Variants in STON2 observed in about 807,000 individuals in gnomAD.
STON2 encodes the protein stonin-2.
In STON2, 29 loss-of-function variants were observed where a neutral mutation model predicts 65.7. The ratio of observed to expected loss-of-function variants is 0.44; its 90% CI spans 0.33 to 0.60. STON2 has a LOEUF of 0.60. Ranked by LOEUF, STON2 falls within the 20% of genes least tolerant of loss-of-function variation. The probability of loss-of-function intolerance (pLI) is 0.03; values close to 1 mark genes in which losing one functional copy is unlikely to be tolerated. For missense variants in STON2, 1,054 were observed against 1,118.1 expected (o/e 0.94, Z 0.82); for synonymous variants, 404 against 414.2 (o/e 0.98, Z 0.30).
intron 5 of STON2, among the ~76,000 whole-genome samples, chr14:81,296,542 C>T (rs532440472): frequency 1.5e-4 from 23 of 152,176 alleles, no homozygotes; most frequent in Non-Finnish European, 2.8e-4. Context: ...CCCTTTGCAG[C>T]TAGACACACA....
intron 4 of STON2, among the ~76,000 whole-genome samples, chr14:81,366,274 T>C (rs2140353189): frequency 6.6e-6 from 1 of 152,310 alleles, no homozygotes; most frequent in East Asian, 1.9e-4. Flanking sequence ...TGGATTGCCC[T>C]GCAGGGCTGC....
At position 81,264,609 on chromosome 14, in the gene STON2, C is replaced by G; in HGVS notation, c.*3805G>C. 1 of 985,054 alleles carries G rather than the reference C, an allele frequency of 1.0e-6. No individual in the cohort carries two copies. Among genetic ancestry groups the G allele is most frequent in the Non-Finnish European group, 1.2e-6 (1 of 829,634 alleles). 61.0% of individuals were successfully genotyped at this position (985,054 alleles called of 1,614,324 possible). ...ACATAAGTTTCTAGGGAAATAAACT[C>G]TTACTCCCAGCCACTGGATTTGAAT... On this transcript the variant is annotated 3_prime_UTR_variant, in exon 8 of 8. Transcript: ENST00000614646.
chr14:81,316,564 CAAG>C (rs1896628510), intron 5 of STON2, among the ~76,000 whole-genome samples: 1 of 152,150 alleles, frequency 6.6e-6, no homozygotes, highest in Non-Finnish European at 1.5e-5. Context: ...GCTGAAAAAA[CAAG>C]AAGATAGGTG....
intron 2 of STON2, among the ~76,000 whole-genome samples, chr14:81,409,320 G>A (rs1445992866): frequency 6.6e-6 from 1 of 151,674 alleles, no homozygotes; most frequent in Non-Finnish European, 1.5e-5. Context: ...CAGGAGAATC[G>A]CTTGAACCCA....
At chr14:81,329,454 C>CAAAAAA (rs56370265) in intron 4 of STON2, among the ~76,000 whole-genome samples, 15 of 118,488 alleles carry the variant, frequency 1.3e-4, no homozygotes, top group Admixed American at 8.8e-4. Context: ...GACTCTGTCT[C>CAAAAAA]AAAAAAAAAA....
chr14:81,275,994 G>A (rs558627283), intron 6 of STON2, among the ~76,000 whole-genome samples: 15 of 152,258 alleles, frequency 9.9e-5, no homozygotes, highest in African/African-American at 2.2e-4. Context: ...ATCCACTTTC[G>A]TTAACAGATG....
chr14:81,303,433 A>G (rs1167396209), intron 5 of STON2, among the ~76,000 whole-genome samples: 4 of 152,204 alleles, frequency 2.6e-5, no homozygotes, highest in African/African-American at 9.7e-5. Context: ...GTGGTGTGGG[A>G]CAAGTGTCAA....
intron 2 of STON2, among the ~76,000 whole-genome samples, chr14:81,405,522 G>GT (rs60663114): frequency 0.18 from 19,771 of 107,126 alleles, 2,511 homozygotes; most frequent in East Asian, 0.38. Context: ...CTTTCCTAAG[G>GT]TTTTTTTTTT....
At chr14:81,308,600 G>A (rs1463979853) in intron 5 of STON2, among the ~76,000 whole-genome samples, 2 of 151,592 alleles carry the variant, frequency 1.3e-5, no homozygotes, top group Non-Finnish European at 2.9e-5. Context: ...ATCCCTCTTG[G>A]CGTCTAATAA....
At chr14:81,339,835 C>T (rs1056464888) in intron 4 of STON2, among the ~76,000 whole-genome samples, 2 of 152,182 alleles carry the variant, frequency 1.3e-5, no homozygotes, top group African/African-American at 4.8e-5. Context: ...TATTGGTACA[C>T]ATAACAATAT....
At position 81,306,153 on chromosome 14, in the gene STON2, A is replaced by ATCTCTCTCTCTC. The variant is rs141736505; in HGVS notation, c.742+17852_742+17863dup. Among the ~76,000 whole-genome samples, 79 of 130,014 alleles carry ATCTCTCTCTCTC rather than the reference A, an allele frequency of 6.1e-4. 1 individual carries two copies. The highest frequency in any genetic ancestry group is 2.1e-3 in the African/African-American group (72 of 33,744). The allele number at this position is 130,014 out of a possible 152,430, so 85.3% of individuals were successfully genotyped here. A position where few individuals can be genotyped will look rare whatever the true frequency, so the allele number is the denominator to read the frequency against. Reference sequence around the variant, plus strand: ...CAAAGAATCCTATTGATTCTTTTAAATCTCTCTCTCTCTCTATATATATAT... The same window carrying ATCTCTCTCTCTC: ...CAAAGAATCCTATTGATTCTTTTAAATCTCTCTCTCTCTCTCTCTCTCTCTCTATATATATAT... On this transcript the variant is annotated intron_variant, in intron 5 of 7. Coordinates refer to ENST00000614646, the MANE Select transcript of STON2 (RefSeq NM_001394390.1).
upstream of STON2, among the ~76,000 whole-genome samples, chr14:81,401,473 G>A (rs146976769): frequency 6.6e-6 from 1 of 152,216 alleles, no homozygotes; most frequent in East Asian, 1.9e-4. Context: ...ATTTGCCATG[G>A]AAGAGCCACA....
chr14:81,380,336 A>C (rs895174071), intron 3 of STON2, among the ~76,000 whole-genome samples: 1 of 152,224 alleles, frequency 6.6e-6, no homozygotes, highest in Non-Finnish European at 1.5e-5. Context: ...AAGTCAAAAA[A>C]TAATAGATGC....
At chr14:81,287,220 T>A (rs1440764387) in intron 5 of STON2, among the ~76,000 whole-genome samples, 1 of 152,142 alleles carries the variant, frequency 6.6e-6, no homozygotes, top group Non-Finnish European at 1.5e-5. Flanking sequence ...AACAAAATAC[T>A]ATGATAAAAA....
Position 81,277,730 on chromosome 14 carries a change from C to A in STON2, c.1752G>T (p.Val584=). Residue 584 remains valine, a synonymous_variant, in exon 6 of 8, where the codon GTG becomes GTT. Transcript: ENST00000614646. The stretch of plus-strand genomic sequence containing the variant: ...CGTAATTGGTGGTGCCCAGCTTAAT[C>A]ACCTGTTCCCTCTCTGCTGTGTGGG... ...AVAHTAEREQ[V]IKLGTTNYDD... The A allele has an allele frequency of 6.2e-7, 1 of 1,614,138 alleles. No individual in the cohort carries two copies. The highest frequency in any genetic ancestry group is 1.7e-5 in the Admixed American group (1 of 60,020).
At chr14:81,339,188 C>G (rs147538113) in intron 4 of STON2, among the ~76,000 whole-genome samples, 1 of 152,164 alleles carries the variant, frequency 6.6e-6, no homozygotes, top group Non-Finnish European at 1.5e-5. Flanking sequence ...TACTAGGCAC[C>G]TAGGTAGGTT....
At chr14:81,280,420 T>C (rs112473040) in intron 5 of STON2, among the ~76,000 whole-genome samples, 3 of 152,224 alleles carry the variant, frequency 2.0e-5, no homozygotes, top group African/African-American at 7.2e-5. Flanking sequence ...TGCTTTAGAG[T>C]AGCTCTTCCA....
At chr14:81,431,070 C>T (rs1902205389) in intron 1 of STON2, among the ~76,000 whole-genome samples, 3 of 152,136 alleles carry the variant, frequency 2.0e-5, no homozygotes. Context: ...GCCACAGCTG[C>T]ACGAGGGGGA....
intron 4 of STON2, among the ~76,000 whole-genome samples, chr14:81,324,914 C>T (rs1896954064): frequency 6.6e-6 from 1 of 152,134 alleles, no homozygotes; most frequent in Non-Finnish European, 1.5e-5. Flanking sequence ...CGGAGGGCGA[C>T]GGAACAGGTA....
Sources: gnomAD v4.1 joint callset for allele counts (sites outside exome capture counted in the v4.1 genomes callset) on GRCh38, gnomAD v4.1.1 for gene constraint, MANE v1.5 for transcripts, NCBI Gene and HGNC (gene_info 2026-07-23, HGNC 2026-07-21) for gene names.